Variants in ZMYM1 observed in about 807,000 individuals in gnomAD.
ZMYM1 encodes zinc finger MYM-type containing 1.
A neutral mutation model predicts 60.0 loss-of-function variants in ZMYM1; 39 were observed. That is an observed-to-expected ratio of 0.65 (90% CI 0.50 to 0.85). The LOEUF (loss-of-function observed/expected upper bound fraction) is 0.85, where lower values mean the gene tolerates loss of function less well. Ranked by LOEUF, ZMYM1 falls within the 40% of genes least tolerant of loss-of-function variation. ZMYM1 has a pLI of 0.00. For synonymous variants in ZMYM1, 413 were observed against 454.0 expected (o/e 0.91, Z 1.15); for missense variants, 1,171 against 1,309.5 (o/e 0.89, Z 1.63).
At chr1:35,063,254 G>C (rs113344156) in intron 1 of ZMYM1, among the ~76,000 whole-genome samples, 2,971 of 151,872 alleles carry the variant, frequency 0.02, 103 homozygotes, top group African/African-American at 0.068. Flanking sequence ...AGTCTCTAGA[G>C]TAGCTGGGAC....
chr1:35,067,806 C>G (rs1033944478), intron 1 of ZMYM1, among the ~76,000 whole-genome samples: 6 of 151,510 alleles, frequency 4.0e-5, no homozygotes, highest in Admixed American at 1.3e-4. Flanking sequence ...ATCCGGAAGG[C>G]GGAGGTTGCA....
chr1:35,095,501 G>GAAA (rs60070624), intron 2 of ZMYM1, among the ~76,000 whole-genome samples: 3 of 107,918 alleles, frequency 2.8e-5, no homozygotes, highest in African/African-American at 9.1e-5. Context: ...AAAAAAAAAA[G>GAAA]AAAAAAAAAA....
intron 1 of ZMYM1, among the ~76,000 whole-genome samples, chr1:35,092,319 G>A (rs566807356): frequency 6.6e-6 from 1 of 151,992 alleles, no homozygotes; most frequent in East Asian, 1.9e-4. Flanking sequence ...TGCAGCCTCC[G>A]CCTCCTGGGT....
At chr1:35,106,117 C>T (rs1284429789) in intron 6 of ZMYM1, among the ~76,000 whole-genome samples, 1 of 152,042 alleles carries the variant, frequency 6.6e-6, no homozygotes, top group African/African-American at 2.4e-5. Context: ...ATATCACATG[C>T]TTTCTCTGAG....
intron 6 of ZMYM1, among the ~76,000 whole-genome samples, chr1:35,105,126 CTTTTTT>C (rs1029051953): frequency 8.3e-5 from 8 of 96,554 alleles, no homozygotes; most frequent in African/African-American, 3.0e-4. Context: ...TTATTTCTTT[CTTTTTT>C]TTTTTTTTTT....
At chr1:35,076,787 C>G (rs1297575391), upstream of ZMYM1, among the ~76,000 whole-genome samples, 6 of 151,916 alleles carry the variant, frequency 3.9e-5, no homozygotes, top group Admixed American at 2.6e-4. Flanking sequence ...ACAAAATTAG[C>G]TGGGCATGAT....
chr1:35,068,638 G>C (rs1339037737), intron 1 of ZMYM1, among the ~76,000 whole-genome samples: 1 of 134,154 alleles, frequency 7.5e-6, no homozygotes, highest in African/African-American at 3.0e-5. Context: ...AAATCCATAC[G>C]CAAAAAAAAA....
chr1:35,087,255 G>A (rs1374783166), intron 1 of ZMYM1, among the ~76,000 whole-genome samples: 1 of 151,868 alleles, frequency 6.6e-6, no homozygotes, highest in Non-Finnish European at 1.5e-5. Context: ...GGCTCCCAAA[G>A]TGCTGGGATT....
chr1:35,071,780 T>C (rs916540188), intron 1 of ZMYM1, among the ~76,000 whole-genome samples: 1 of 152,242 alleles, frequency 6.6e-6, no homozygotes, highest in African/African-American at 2.4e-5. Flanking sequence ...TATTCCTTTC[T>C]TTTCAATTTT....
chr1:35,115,978 C>G (rs1014708473), downstream of ZMYM1: 5 of 152,310 alleles, frequency 3.3e-5, no homozygotes, highest in African/African-American at 1.2e-4. Flanking sequence ...CCTATAATCT[C>G]AGCCCTTTGA....
intron 1 of ZMYM1, among the ~76,000 whole-genome samples, chr1:35,093,638 CT>C (rs1304214822): frequency 2.0e-5 from 3 of 152,152 alleles, no homozygotes; most frequent in Non-Finnish European, 4.4e-5. Flanking sequence ...TAAAAATAAA[CT>C]TGTAAGTTTT....
At chr1:35,096,549 T>G (rs1643335875) in intron 3 of ZMYM1, among the ~76,000 whole-genome samples, 1 of 149,844 alleles carries the variant, frequency 6.7e-6, no homozygotes, top group South Asian at 2.1e-4. Flanking sequence ...TTTTTTTTTC[T>G]GAGATGGAGT....
chr1:35,098,931 G>T (rs1015992908), intron 4 of ZMYM1, among the ~76,000 whole-genome samples: 2 of 152,172 alleles, frequency 1.3e-5, no homozygotes, highest in Non-Finnish European at 2.9e-5. Flanking sequence ...ACCCAGACCT[G>T]CTGATTCAGA....
chr1:35,065,291 A>T (rs914062281), intron 1 of ZMYM1, among the ~76,000 whole-genome samples: 1 of 141,840 alleles, frequency 7.1e-6, no homozygotes, highest in Non-Finnish European at 1.5e-5. Flanking sequence ...GGCTTTCGGC[A>T]CCAAAAAAAA....
At chr1:35,063,420 A>T (rs1055726245) in intron 1 of ZMYM1, among the ~76,000 whole-genome samples, 11 of 151,976 alleles carry the variant, frequency 7.2e-5, no homozygotes, top group African/African-American at 2.7e-4. Flanking sequence ...CAATCCTCCC[A>T]CTTTAGCCTC....
At chr1:35,094,112 T>C in intron 2 of ZMYM1, 29 bp downstream of exon 2, 1 of 1,575,092 alleles carries the variant, frequency 6.3e-7, no homozygotes, top group Admixed American at 1.9e-5. Flanking sequence ...TTCCATTATT[T>C]CTAGAGCAGC....
chr1:35,091,835 G>GGGATAGTGC (rs2148509942), intron 1 of ZMYM1, among the ~76,000 whole-genome samples: 1 of 141,506 alleles, frequency 7.1e-6, no homozygotes, highest in South Asian at 2.3e-4. Flanking sequence ...GGGTGAGGCT[G>GGGATAGTGC]CAGTGAACTG....
chr1:35,077,950 CT>C (rs1050965144), upstream of ZMYM1, among the ~76,000 whole-genome samples: 1 of 152,172 alleles, frequency 6.6e-6, no homozygotes. Context: ...CATCACTTGC[CT>C]TTGGATGCCC....
rs763529414 is a variant in ZMYM1 at position 35,094,015 on chromosome 1, T to C, written c.28T>C (p.Cys10Arg). Residue 10 changes from cysteine to arginine, a missense_variant, in exon 2 of 10, where the codon TGT becomes CGT. Cys to Arg is a radical substitution (Grantham distance 180). Transcript: ENST00000359858. MKEPLLGGE[C>R]DKAVASQLGL... ...GAAAGAACCACTTTTAGGTGGTGAGTGTGACAAGGCAGTGGCATCACAGCT... is the reference window on the plus strand; with the variant it reads ...GAAAGAACCACTTTTAGGTGGTGAGCGTGACAAGGCAGTGGCATCACAGCT... 1.9e-6 allele frequency: 3 copies of C among 1,609,712 alleles called. No individual in the cohort carries two copies. Among genetic ancestry groups the C allele is most frequent in the Non-Finnish European group, 2.5e-6 (3 of 1,177,748 alleles).
Sources: gnomAD v4.1 joint callset for allele counts (sites outside exome capture counted in the v4.1 genomes callset) on GRCh38, gnomAD v4.1.1 for gene constraint, MANE v1.5 for transcripts, NCBI Gene and HGNC (gene_info 2026-07-23, HGNC 2026-07-21) for gene names.